SYCP2L: variants seen among roughly 807,000 people sequenced by gnomAD.
The protein encoded by SYCP2L is synaptonemal complex protein 2 like, also known as synaptonemal complex protein 2-like.
SYCP2L carries 98 observed loss-of-function variants against 125.8 expected under a neutral mutation model. The ratio of observed to expected loss-of-function variants is 0.78; its 90% CI spans 0.66 to 0.92. SYCP2L has a LOEUF of 0.92. Ranked by LOEUF, SYCP2L falls within the 40% of genes least tolerant of loss-of-function variation. The pLI is 0.00. For missense variants in SYCP2L, 842 were observed against 936.4 expected, an observed-to-expected ratio of 0.90 and a Z score of 1.32; for synonymous variants, 317 against 325.4, an observed-to-expected ratio of 0.97 and a Z score of 0.28.
chr6:10,963,713 C>T (rs1190557145), intron 28 of SYCP2L, 69 bp from the exon 29 acceptor site: 1 of 1,483,386 alleles, frequency 6.7e-7, no homozygotes, highest in Admixed American at 1.7e-5. Context: ...GCAGATGTAT[C>T]TAGATGTATG....
At chr6:10,911,296 A>G (rs1049552216) in intron 12 of SYCP2L, among the ~76,000 whole-genome samples, 1 of 151,818 alleles carries the variant, frequency 6.6e-6, no homozygotes, top group Non-Finnish European at 1.5e-5. Context: ...TCTACCTTGC[A>G]CTTTATAGTC....
In SYCP2L at chr6:10,930,398, CTG is replaced by C. The variant is rs954918640; in HGVS notation, c.1518_1519del (p.Ser508Ter). On this transcript the variant is annotated frameshift_variant, in exon 19 of 30. Coordinates refer to ENST00000283141, the MANE Select transcript of SYCP2L (RefSeq NM_001040274.3). LOFTEE classifies it high-confidence loss of function. ...TCTCATTACAGAAAACATCTCTTCT[CTG>C]AGAGTAATCAAGATTCAAGTACCAG... is the stretch of plus-strand genomic sequence containing the variant. The C allele has an allele frequency of 2.5e-6, 4 of 1,613,270 alleles. No homozygotes were observed. The African/African-American group carries it at 5.3e-5, about 22-fold the overall frequency.
At chr6:10,893,515 T>C (rs1207364797) in intron 2 of SYCP2L, among the ~76,000 whole-genome samples, 2 of 152,232 alleles carry the variant, frequency 1.3e-5, no homozygotes, top group African/African-American at 4.8e-5. Flanking sequence ...CTTCACCTAA[T>C]GATATCTGAA....
intron 23 of SYCP2L, among the ~76,000 whole-genome samples, chr6:10,949,148 G>A (rs1781366224): frequency 6.6e-6 from 1 of 151,880 alleles, no homozygotes; most frequent in African/African-American, 2.4e-5. Flanking sequence ...GTTGTTATCT[G>A]CTCTTTTCTA....
In SYCP2L at chr6:10,974,150, T is replaced by C. The variant is rs910983487; in HGVS notation, c.*236T>C. 8 of 152,246 alleles carry C rather than the reference T, an allele frequency of 5.3e-5. No individual in the cohort carries two copies. The highest frequency in any genetic ancestry group is 1.9e-4 in the African/African-American group (8 of 41,472). 9.4% of individuals were successfully genotyped at this position (152,246 alleles called of 1,614,324 possible). On this transcript the variant is annotated 3_prime_UTR_variant, in exon 30 of 30. Transcript: ENST00000283141. ...TTTGTTCATAAAAATTAACCTTTTG[T>C]ATTAAAATTTGGTCAGATAGTATTA... is the stretch of plus-strand genomic sequence containing the variant.
intron 23 of SYCP2L, among the ~76,000 whole-genome samples, chr6:10,949,885 G>T (rs1781380264): frequency 6.6e-6 from 1 of 151,488 alleles, no homozygotes; most frequent in African/African-American, 2.4e-5. Flanking sequence ...GATATATTTG[G>T]ATTGAGTTTT....
At chr6:10,910,666 A>G (rs994392074) in intron 11 of SYCP2L, among the ~76,000 whole-genome samples, 158 bp from the exon 12 acceptor site, 1 of 152,198 alleles carries the variant, frequency 6.6e-6, no homozygotes, top group Non-Finnish European at 1.5e-5. Flanking sequence ...AAATCTACCC[A>G]TAGTAGGTCT....
chr6:10,914,871 T>C (rs915990610), intron 14 of SYCP2L, among the ~76,000 whole-genome samples: 7 of 151,120 alleles, frequency 4.6e-5, no homozygotes, highest in African/African-American at 1.7e-4. Flanking sequence ...CTCAGCCTCC[T>C]GAGTAGCTGG....
At chr6:10,953,966 C>T (rs893833170) in intron 23 of SYCP2L, among the ~76,000 whole-genome samples, 1 of 139,430 alleles carries the variant, frequency 7.2e-6, no homozygotes, top group East Asian at 2.1e-4. Flanking sequence ...GAGGTAAGAC[C>T]GTGCCTGGGA....
intron 1 of SYCP2L, among the ~76,000 whole-genome samples, chr6:10,888,547 T>C (rs995633267): frequency 6.6e-6 from 1 of 152,148 alleles, no homozygotes; most frequent in Non-Finnish European, 1.5e-5. Context: ...TTCTGTGTAC[T>C]AGAGTGGCTC....
intron 29 of SYCP2L, among the ~76,000 whole-genome samples, chr6:10,965,540 A>C (rs916914837): frequency 2.6e-5 from 4 of 152,224 alleles, no homozygotes; most frequent in African/African-American, 9.6e-5. Flanking sequence ...ACAGTTTAAC[A>C]AAATGGACTT....
chr6:10,923,747 G>A (rs1211470386), intron 14 of SYCP2L, among the ~76,000 whole-genome samples: 2 of 145,058 alleles, frequency 1.4e-5, no homozygotes, highest in African/African-American at 2.6e-5. Flanking sequence ...GCAGTGGCAC[G>A]ATCTCGGCTC....
At chr6:10,903,134 G>C (rs1780409756) in intron 8 of SYCP2L, among the ~76,000 whole-genome samples, 171 bp downstream of exon 8, 1 of 152,204 alleles carries the variant, frequency 6.6e-6, no homozygotes, top group Non-Finnish European at 1.5e-5. Context: ...GACGGGCTGA[G>C]GTAAAAAGAA....
At chr6:10,962,226 A>G (rs980566944) in intron 28 of SYCP2L, among the ~76,000 whole-genome samples, 2 of 151,560 alleles carry the variant, frequency 1.3e-5, no homozygotes, top group Non-Finnish European at 2.9e-5. Flanking sequence ...AGCTGCTTTC[A>G]CAGAAATTTA....
At chr6:10,891,487 T>C in intron 1 of SYCP2L, 26 bp from the exon 2 acceptor site, 1 of 1,476,804 alleles carries the variant, frequency 6.8e-7, no homozygotes, top group Non-Finnish European at 9.3e-7. Context: ...AAAAATTGTT[T>C]AAAAACATGT....
chr6:10,898,655 C>T (rs1354496997), intron 5 of SYCP2L, among the ~76,000 whole-genome samples, 169 bp from the exon 6 acceptor site: 1 of 152,112 alleles, frequency 6.6e-6, no homozygotes, highest in African/African-American at 2.4e-5. Flanking sequence ...GAGTGATATG[C>T]ACATTTTAAG....
chr6:10,930,287 C>T lies in SYCP2L; in HGVS notation c.1489-83C>T, dbSNP rs1017793702. 3.5e-6 allele frequency: 5 copies of T among 1,436,210 alleles called. No individual in the cohort carries two copies. In the African/African-American group the frequency reaches 7.2e-5, roughly 21 times the overall value. 89.0% of individuals were successfully genotyped at this position (1,436,210 alleles called of 1,614,324 possible). On this transcript the variant is annotated intron_variant, in intron 18 of 29. Coordinates refer to ENST00000283141, the MANE Select transcript of SYCP2L (RefSeq NM_001040274.3). Reference sequence around the variant, plus strand: ...TTCTAGAAGGGTACTTCTCTTATCTCTAGCTTTGTAGAATATGTTTAGTTA... The same window carrying T: ...TTCTAGAAGGGTACTTCTCTTATCTTTAGCTTTGTAGAATATGTTTAGTTA...
intron 10 of SYCP2L, among the ~76,000 whole-genome samples, chr6:10,908,803 C>G (rs1451047426): frequency 6.6e-6 from 1 of 152,174 alleles, no homozygotes. Flanking sequence ...TTGGGGCTAT[C>G]CCAAACTGGG....
At chr6:10,965,984 G>T (rs910722351) in intron 29 of SYCP2L, among the ~76,000 whole-genome samples, 1 of 152,102 alleles carries the variant, frequency 6.6e-6, no homozygotes, top group African/African-American at 2.4e-5. Context: ...GTGGTGATGG[G>T]CAACTGTTAT....
Sources: gnomAD v4.1 joint callset for allele counts (sites outside exome capture counted in the v4.1 genomes callset) on GRCh38, gnomAD v4.1.1 for gene constraint, MANE v1.5 for transcripts, NCBI Gene and HGNC (gene_info 2026-07-23, HGNC 2026-07-21) for gene names.